Variants in SUN1 observed in about 807,000 individuals in gnomAD.
The protein encoded by SUN1 is Sad1 and UNC84 domain containing 1.
Under a neutral mutation model 103.2 loss-of-function variants are expected in SUN1, and 61 were observed. That is an observed-to-expected ratio of 0.59 (90% confidence interval 0.48 to 0.73). The LOEUF is 0.73. Ranked by LOEUF, SUN1 falls within the 30% of genes least tolerant of loss-of-function variation. The pLI is 0.00. For missense variants in SUN1, 1,052 were observed against 1,034.6 expected (o/e 1.02, Z -0.23); for synonymous variants, 490 against 425.7 (o/e 1.15, Z -1.86).
At position 843,382 on chromosome 7, in the gene SUN1, G is replaced by A; in HGVS notation, c.520G>A (p.Ala174Thr). 6.2e-7 allele frequency: 1 copy of A among 1,608,938 alleles called. No homozygotes were observed. Among genetic ancestry groups the A allele is most frequent in the African/African-American group, 1.3e-5 (1 of 74,866 alleles). Residue 174 changes from alanine to threonine, a missense_variant, in exon 5 of 19, where the codon GCC becomes ACC. By Grantham distance (58) the Ala-to-Thr change is moderately conservative. Coordinates refer to ENST00000401592, the MANE Select transcript of SUN1 (RefSeq NM_001130965.3). ...AAIQGNGDVG[A>T]AAATAHNGFS... ...CATTCAGGGAAACGGGGATGTGGGA[G>A]CCGCCGCCGCCACCGCGCACAACGG...
At chr7:832,633 C>T in intron 1 of SUN1, 32 bp downstream of exon 1, 1 of 1,569,668 alleles carries the variant, frequency 6.4e-7, no homozygotes, top group South Asian at 1.1e-5. Flanking sequence ...GGGTCCTGGC[C>T]TTGCAATGCC....
chr7:866,989 A>C (rs1409273778), intron 16 of SUN1, among the ~76,000 whole-genome samples: 1 of 152,170 alleles, frequency 6.6e-6, no homozygotes, highest in African/African-American at 2.4e-5. Context: ...TTTTGAAGAA[A>C]AATCCAATAA....
At chr7:856,859 T>C (rs1017101733) in intron 12 of SUN1, among the ~76,000 whole-genome samples, 3 of 152,106 alleles carry the variant, frequency 2.0e-5, no homozygotes, top group Admixed American at 6.5e-5. Flanking sequence ...CAGTCCCTGG[T>C]GGACAGGACA....
At position 843,488 on chromosome 7, in the gene SUN1, C is replaced by T. The variant is rs759413599; in HGVS notation, c.626C>T (p.Ser209Leu). Residue 209 changes from serine (S) to leucine (L), a missense_variant, in exon 5 of 19, where the codon TCG becomes TTG. Coordinates refer to ENST00000401592, the MANE Select transcript of SUN1 (RefSeq NM_001130965.3). ...TAHPAAPGPV[S>L]RVYSRDRNQK... ...CACCCCGCGGCCCCCGGGCCCGTGT[C>T]GAGAGTTTATTCTAGGGACAGGAAT... 5.0e-6 allele frequency: 8 copies of T among 1,613,890 alleles called. No individual in the cohort carries two copies. The highest frequency in any genetic ancestry group is 2.2e-5 in the East Asian group (1 of 44,902).
intron 5 of SUN1, chr7:849,924 C>T (rs766321728): frequency 8.8e-6 from 14 of 1,593,950 alleles, no homozygotes; most frequent in Non-Finnish European, 1.1e-5. Context: ...CACCTGCAGG[C>T]GACGACTGTA....
chr7:866,042 C>A lies in SUN1; in HGVS notation c.1955C>A (p.Ser652Ter). ...TTTGGGATCCCGCTGTGGTACTTCT[C>A]GCAGTCCCCGCGCGTGGTCATCCAG... ...SLFGIPLWYF[S>*]QSPRVVIQPD... is the part of the protein sequence containing the mutation. The change falls in exon 16 of 19, where the codon TCG becomes TAG. Residue 652 changes from serine to a stop codon, truncating the protein, a stop_gained. Transcript: ENST00000401592. LOFTEE classifies it high-confidence loss of function. The A allele has an allele frequency of 6.2e-7, 1 of 1,614,090 alleles. No individual in the cohort carries two copies. Among genetic ancestry groups the A allele is most frequent in the Non-Finnish European group, 8.5e-7 (1 of 1,180,002 alleles).
intron 14 of SUN1, among the ~76,000 whole-genome samples, chr7:860,948 C>T (rs1273774621): frequency 2.0e-5 from 3 of 152,130 alleles, no homozygotes; most frequent in African/African-American, 7.2e-5. Flanking sequence ...TTCCCCCACC[C>T]GCTCCCTGCC....
intron 13 of SUN1, among the ~76,000 whole-genome samples, chr7:859,086 G>A (rs1027473650): frequency 3.3e-5 from 5 of 151,626 alleles, no homozygotes; most frequent in Non-Finnish European, 7.4e-5. Context: ...CCAGGAGGTG[G>A]AGGTTGCAGC....
intron 13 of SUN1, among the ~76,000 whole-genome samples, chr7:859,304 T>C (rs1830334484): frequency 6.6e-6 from 1 of 152,224 alleles, no homozygotes; most frequent in Admixed American, 6.5e-5. Context: ...GCTGAGGCAG[T>C]GGGCTTTTCC....
upstream of SUN1, among the ~76,000 whole-genome samples, chr7:828,176 T>C (rs1465182437): frequency 6.6e-6 from 1 of 152,124 alleles, no homozygotes; most frequent in Non-Finnish European, 1.5e-5. Flanking sequence ...AGTGTTGGGA[T>C]TACAGGCATG....
chr7:826,102 G>A (rs1225600014), intron 1 of SUN1, among the ~76,000 whole-genome samples: 7 of 152,058 alleles, frequency 4.6e-5, no homozygotes, highest in African/African-American at 9.7e-5. Context: ...ACCAGGTGCC[G>A]TGACGCGCCC....
intron 1 of SUN1, among the ~76,000 whole-genome samples, chr7:817,072 G>T (rs1257332733): frequency 3.9e-5 from 6 of 152,018 alleles, no homozygotes; most frequent in Non-Finnish European, 7.4e-5. Context: ...CCTGGACCCC[G>T]TTGCGGGGTC....
At chr7:837,412 A>G (rs1185327940) in intron 1 of SUN1, among the ~76,000 whole-genome samples, 1 of 152,148 alleles carries the variant, frequency 6.6e-6, no homozygotes, top group South Asian at 2.1e-4. Flanking sequence ...GATGCTTGGT[A>G]TCTGTCTCTG....
chr7:848,504 C>G (rs778740477), intron 5 of SUN1: 2 of 1,363,900 alleles, frequency 1.5e-6, no homozygotes, highest in Non-Finnish European at 2.0e-6. Flanking sequence ...TCAACTTTTT[C>G]AAGTGGTTTT....
chr7:827,966 G>GA, upstream of SUN1, among the ~76,000 whole-genome samples: 1 of 151,784 alleles, frequency 6.6e-6, no homozygotes, highest in East Asian at 1.9e-4. Context: ...GGAATGCGCT[G>GA]AAATATGGGC....
intron 1 of SUN1, among the ~76,000 whole-genome samples, chr7:819,118 C>T (rs545157282): frequency 1.3e-5 from 2 of 152,120 alleles, no homozygotes; most frequent in South Asian, 4.2e-4. Flanking sequence ...CCGCCTCGCC[C>T]TCCCAAAGTG....
intron 1 of SUN1, among the ~76,000 whole-genome samples, chr7:817,790 T>G (rs1282915317): frequency 1.3e-5 from 2 of 152,244 alleles, no homozygotes; most frequent in Non-Finnish European, 2.9e-5. Flanking sequence ...TTTCTCAAAT[T>G]ATTTCTCTAA....
rs181595129 is a variant in SUN1 at position 818,385 on chromosome 7, A to T, written c.-74+1712A>T. ...TATCAGTATTCCATTCCTTTTTATGACTGAATAATTGTCCATTGTATAGAT... is the reference window on the plus strand; with the variant it reads ...TATCAGTATTCCATTCCTTTTTATGTCTGAATAATTGTCCATTGTATAGAT... On this transcript the variant is annotated intron_variant, in intron 1 of 17. Coordinates refer to the SUN1 transcript ENST00000389574. Among the ~76,000 whole-genome samples the T allele has an allele frequency of 1.5e-3, 231 of 152,252 alleles. 1 individual carries two copies. Among genetic ancestry groups the T allele is most frequent in the Non-Finnish European group, 2.6e-3 (176 of 68,022 alleles).
chr7:854,058 G>T (rs765732955), intron 10 of SUN1, among the ~76,000 whole-genome samples: 2 of 152,212 alleles, frequency 1.3e-5, no homozygotes, highest in Admixed American at 1.3e-4. Flanking sequence ...CCACTGCAGG[G>T]ATCGCGTGGG....
Sources: gnomAD v4.1 joint callset for allele counts (sites outside exome capture counted in the v4.1 genomes callset) on GRCh38, gnomAD v4.1.1 for gene constraint, MANE v1.5 for transcripts, NCBI Gene and HGNC (gene_info 2026-07-23, HGNC 2026-07-21) for gene names.